The following ZNF385D variants were observed in gnomAD, a reference collection of about 807,000 sequenced individuals.
ZNF385D encodes the protein zinc finger protein 385D.
A neutral mutation model predicts 35.8 loss-of-function variants in ZNF385D; 15 were observed. That is an observed-to-expected ratio of 0.42 (90% CI 0.28 to 0.64). ZNF385D has a LOEUF of 0.64. ZNF385D is among the 30% of genes least tolerant of loss of function. The pLI is 0.23. For synonymous variants in ZNF385D, 212 were observed against 186.8 expected, an observed-to-expected ratio of 1.13 and a Z score of -1.10; for missense variants, 474 against 494.6, an observed-to-expected ratio of 0.96 and a Z score of 0.39.
At chr3:22,370,282 C>T (rs1489103344) in intron 2 of ZNF385D, among the ~76,000 whole-genome samples, 1 of 152,122 alleles carries the variant, frequency 6.6e-6, no homozygotes, top group African/African-American at 2.4e-5. Flanking sequence ...TAGCACCAGA[C>T]ATGTTTGATG....
In ZNF385D at chr3:21,421,307, C is replaced by A; in HGVS notation, c.1095G>T (p.Leu365=). 6.2e-7 allele frequency: 1 copy of A among 1,614,086 alleles called. No individual in the cohort carries two copies. Among genetic ancestry groups the A allele is most frequent in the South Asian group, 1.1e-5 (1 of 91,066 alleles). ...FSLRTAPAAT[L]FQTSALPPAL... ...CCGGAGGAAGCGCGGAAGTCTGGAACAGTGTTGCTGCTGGAGCAGTTCGAA... is the reference window on the plus strand; with the variant it reads ...CCGGAGGAAGCGCGGAAGTCTGGAAAAGTGTTGCTGCTGGAGCAGTTCGAA... Residue 365 remains leucine, a synonymous_variant, in exon 8 of 8, where the codon CTG becomes CTT. Transcript: ENST00000281523.
intron 3 of ZNF385D, among the ~76,000 whole-genome samples, chr3:21,930,497 A>T (rs574775868): frequency 6.6e-6 from 1 of 152,274 alleles, no homozygotes; most frequent in East Asian, 1.9e-4. Flanking sequence ...AGAAAGTGAT[A>T]AGTATATAGA....
chr3:21,620,612 G>GA (rs1187824257), intron 2 of ZNF385D, among the ~76,000 whole-genome samples: 1 of 152,126 alleles, frequency 6.6e-6, no homozygotes, highest in Admixed American at 6.5e-5. Context: ...TGTCAGGCAA[G>GA]ATATTTCAAT....
intron 3 of ZNF385D, among the ~76,000 whole-genome samples, chr3:21,863,633 A>G (rs192822557): frequency 6.6e-6 from 1 of 152,240 alleles, no homozygotes; most frequent in Non-Finnish European, 1.5e-5. Context: ...AAGATAAGAA[A>G]CTATGGAAGG....
At chr3:22,356,577 G>T (rs1286889804) in intron 2 of ZNF385D, among the ~76,000 whole-genome samples, 2 of 151,896 alleles carry the variant, frequency 1.3e-5, no homozygotes, top group African/African-American at 4.8e-5. Context: ...CATCTTTACA[G>T]CTAAGATTTC....
At chr3:21,656,133 T>C (rs1251198997) in intron 2 of ZNF385D, among the ~76,000 whole-genome samples, 1 of 151,950 alleles carries the variant, frequency 6.6e-6, no homozygotes, top group African/African-American at 2.4e-5. Context: ...TCACCCCACA[T>C]GTAGGCCTAT....
intron 2 of ZNF385D, among the ~76,000 whole-genome samples, chr3:22,278,817 TGCTG>T (rs777871003): frequency 1.3e-5 from 2 of 152,136 alleles, no homozygotes; most frequent in Non-Finnish European, 2.9e-5. Context: ...GGGATCCAGA[TGCTG>T]GCTATCTTGT....
chr3:22,119,508 C>G (rs1576351518), intron 3 of ZNF385D, among the ~76,000 whole-genome samples: 1 of 151,986 alleles, frequency 6.6e-6, no homozygotes, highest in Non-Finnish European at 1.5e-5. Context: ...TTGCTCTATC[C>G]TCTACTTTTT....
chr3:21,954,152 G>A (rs557732106), intron 3 of ZNF385D, among the ~76,000 whole-genome samples: 26 of 151,736 alleles, frequency 1.7e-4, no homozygotes, highest in South Asian at 1.5e-3. Flanking sequence ...ATTGAGTCAC[G>A]TCTTCTGATT....
At chr3:22,135,315 T>C (rs199925897) in intron 3 of ZNF385D, among the ~76,000 whole-genome samples, 1 of 136,388 alleles carries the variant, frequency 7.3e-6, no homozygotes, top group Non-Finnish European at 1.5e-5. Flanking sequence ...CACACACACA[T>C]ACCCCAACAT....
At chr3:22,038,169 C>A (rs139505243) in intron 3 of ZNF385D, among the ~76,000 whole-genome samples, 3 of 152,176 alleles carry the variant, frequency 2.0e-5, no homozygotes, top group South Asian at 2.1e-4. Context: ...TGCTGAACTA[C>A]GAAGTGTAGG....
At chr3:21,887,127 C>G (rs1420655969) in intron 3 of ZNF385D, among the ~76,000 whole-genome samples, 4 of 152,114 alleles carry the variant, frequency 2.6e-5, no homozygotes, top group South Asian at 2.1e-4. Context: ...GAATCACCTA[C>G]AAATTTTACC....
At chr3:21,625,436 T>A (rs781592949) in intron 2 of ZNF385D, among the ~76,000 whole-genome samples, 1 of 152,042 alleles carries the variant, frequency 6.6e-6, no homozygotes, top group Non-Finnish European at 1.5e-5. Flanking sequence ...ATTCACACAA[T>A]CTTTGTCTGA....
intron 1 of ZNF385D, among the ~76,000 whole-genome samples, chr3:21,731,891 A>G (rs2069014862): frequency 6.6e-6 from 1 of 152,104 alleles, no homozygotes; most frequent in African/African-American, 2.4e-5. Context: ...TAGTTCATTT[A>G]TTTTTAGTGC....
At chr3:22,303,135 C>G (rs1322894430) in intron 2 of ZNF385D, among the ~76,000 whole-genome samples, 1 of 152,086 alleles carries the variant, frequency 6.6e-6, no homozygotes, top group Non-Finnish European at 1.5e-5. Context: ...TTCCATTGTT[C>G]AATGATAATA....
chr3:21,950,768 T>C (rs1702026359), intron 3 of ZNF385D, among the ~76,000 whole-genome samples: 2 of 151,832 alleles, frequency 1.3e-5, no homozygotes. Flanking sequence ...TGCATATGGC[T>C]AGCCAGTTTT....
chr3:21,808,639 G>T (rs540020671), intron 3 of ZNF385D, among the ~76,000 whole-genome samples: 2 of 152,158 alleles, frequency 1.3e-5, no homozygotes, highest in African/African-American at 4.8e-5. Flanking sequence ...CTCTCCTGCC[G>T]GAAGGTAATG....
chr3:21,998,036 T>C (rs1695593684), intron 3 of ZNF385D, among the ~76,000 whole-genome samples: 1 of 152,056 alleles, frequency 6.6e-6, no homozygotes, highest in African/African-American at 2.4e-5. Context: ...GCCAGGACTA[T>C]GAATTTTATT....
rs890520503 is a variant in ZNF385D at position 21,413,298 on chromosome 3, A to T, written c.*7916T>A. On this transcript the variant is annotated 3_prime_UTR_variant, in exon 8 of 8. Transcript: ENST00000281523. The stretch of plus-strand genomic sequence containing the variant: ...GGCCATTAAGGTGGCACAAATTAGC[A>T]TTCTGAGCGTTTTGGCTTCTGGTAC... 6.6e-6 allele frequency: 1 copy of T among 152,090 alleles called. No individual in the cohort carries two copies. Among genetic ancestry groups the T allele is most frequent in the Admixed American group, 6.6e-5 (1 of 15,252 alleles). The allele number at this position is 152,090 out of a possible 1,614,324, so 9.4% of individuals were successfully genotyped here.
Sources: allele counts gnomAD v4.1 joint callset (sites outside exome capture counted in the v4.1 genomes callset), GRCh38; gene constraint gnomAD v4.1.1; transcripts MANE v1.5; gene names NCBI Gene and HGNC (gene_info 2026-07-23, HGNC 2026-07-21).